TANGO6: variants seen among roughly 807,000 people sequenced by gnomAD.
The protein encoded by TANGO6 is transport and Golgi organization protein 6 homolog.
In TANGO6, 90 loss-of-function variants were observed where a neutral mutation model predicts 114.2. The observed-to-expected ratio is 0.79, with a 90% CI of 0.66 to 0.94. TANGO6 has a LOEUF of 0.94. Ranked by LOEUF, TANGO6 falls within the 40% of genes least tolerant of loss-of-function variation. TANGO6 has a pLI of 0.00. For missense variants in TANGO6, 1,274 were observed against 1,315.3 expected, an observed-to-expected ratio of 0.97 and a Z score of 0.49; for synonymous variants, 477 against 509.8, an observed-to-expected ratio of 0.94 and a Z score of 0.87.
At chr16:69,073,462 T>C (rs1023259732) in intron 17 of TANGO6, among the ~76,000 whole-genome samples, 2 of 152,202 alleles carry the variant, frequency 1.3e-5, no homozygotes, top group Admixed American at 6.5e-5. Flanking sequence ...AGCTGCCACC[T>C]GGGAGGGTTC....
intron 14 of TANGO6, among the ~76,000 whole-genome samples, chr16:68,933,296 TC>T (rs1255058371): frequency 6.6e-6 from 1 of 152,078 alleles, no homozygotes; most frequent in Admixed American, 6.5e-5. Context: ...GTGCCTGTAG[TC>T]CCGGTTACTT....
chr16:69,049,803 T>G (rs1489902934), intron 17 of TANGO6, among the ~76,000 whole-genome samples: 1 of 151,850 alleles, frequency 6.6e-6, no homozygotes, highest in African/African-American at 2.4e-5. Flanking sequence ...CTTGAACTCC[T>G]GAGCTCATGT....
At chr16:68,977,899 C>T (rs573831355) in intron 15 of TANGO6, among the ~76,000 whole-genome samples, 4 of 151,892 alleles carry the variant, frequency 2.6e-5, no homozygotes, top group South Asian at 2.1e-4. Context: ...TTGGACAGGC[C>T]GGTCTCGAAC....
intron 14 of TANGO6, among the ~76,000 whole-genome samples, chr16:68,933,300 G>C (rs140785736): frequency 6.6e-6 from 1 of 152,016 alleles, no homozygotes; most frequent in Non-Finnish European, 1.5e-5. Context: ...CTGTAGTCCC[G>C]GTTACTTGGG....
At chr16:68,867,527 C>G (rs1054016077) in intron 4 of TANGO6, 1 of 255,882 alleles carries the variant, frequency 3.9e-6, no homozygotes, top group African/African-American at 2.3e-5. Flanking sequence ...AGTAAAAACC[C>G]TAAAGTAAAT....
At chr16:68,876,930 G>A (rs961687774) in intron 5 of TANGO6, among the ~76,000 whole-genome samples, 24 of 152,104 alleles carry the variant, frequency 1.6e-4, no homozygotes, top group African/African-American at 5.6e-4. Flanking sequence ...TAACCAGCCT[G>A]TTATTGATGC....
At chr16:68,854,117 GAT>G (rs377485605) in intron 1 of TANGO6, among the ~76,000 whole-genome samples, 68 of 152,120 alleles carry the variant, frequency 4.5e-4, no homozygotes, top group African/African-American at 1.5e-3. Context: ...TTTAAATTTT[GAT>G]GAAGTCCAGT....
At chr16:68,943,586 C>T (rs1279558794) in intron 14 of TANGO6, among the ~76,000 whole-genome samples, 2 of 151,932 alleles carry the variant, frequency 1.3e-5, no homozygotes, top group Non-Finnish European at 2.9e-5. Flanking sequence ...AGGATGGTCT[C>T]AATCTCCTTA....
chr16:68,964,123 TTTTA>T (rs1256176404), intron 14 of TANGO6, among the ~76,000 whole-genome samples: 1 of 152,074 alleles, frequency 6.6e-6, no homozygotes, highest in Non-Finnish European at 1.5e-5. Flanking sequence ...TTTTAAAACA[TTTTA>T]TTTATTTATA....
rs1381936081 is a variant in TANGO6, at chr16:69,015,957, CTCT to C, written c.2843-6865_2843-6863del. ...GAATATAAAGCTTCTATTGCCCACTCTCTTCTTCACTTTTCCACCAGGCCCTCA... is the reference window on the plus strand; with the variant it reads ...GAATATAAAGCTTCTATTGCCCACTCTCTTCACTTTTCCACCAGGCCCTCA... On this transcript the variant is annotated intron_variant, in intron 15 of 17. Transcript: ENST00000261778. 6.6e-5 allele frequency among the ~76,000 whole-genome samples: 10 copies of C among 152,282 alleles called. No homozygotes were observed. The East Asian group carries it at 1.7e-3, about 27-fold the overall frequency.
intron 14 of TANGO6, among the ~76,000 whole-genome samples, chr16:68,948,944 T>C (rs1483143382): frequency 1.3e-5 from 2 of 152,210 alleles, no homozygotes; most frequent in Non-Finnish European, 2.9e-5. Context: ...CCCAGCACTT[T>C]GGGAGGCCAA....
intron 7 of TANGO6, among the ~76,000 whole-genome samples, chr16:68,896,455 GA>G (rs1962706065): frequency 1.3e-5 from 2 of 152,080 alleles, no homozygotes; most frequent in South Asian, 4.1e-4. Context: ...TGGAAGTACA[GA>G]CATGCACCAC....
intron 14 of TANGO6, chr16:68,937,263 A>G (rs1385253807): frequency 6.6e-6 from 1 of 152,226 alleles, no homozygotes; most frequent in Non-Finnish European, 1.5e-5. Context: ...TTTCTTTTAC[A>G]TCCTGACCTG....
At chr16:68,933,058 A>G (rs1185008206) in intron 14 of TANGO6, among the ~76,000 whole-genome samples, 1 of 152,178 alleles carries the variant, frequency 6.6e-6, no homozygotes, top group East Asian at 1.9e-4. Flanking sequence ...ATGACTAGGT[A>G]ATAATGTGGT....
intron 11 of TANGO6, among the ~76,000 whole-genome samples, chr16:68,912,907 C>A (rs1567538267): frequency 7.0e-6 from 1 of 143,500 alleles, no homozygotes; most frequent in Non-Finnish European, 1.5e-5. Flanking sequence ...AAGACCCCAT[C>A]TCTCAAAAAA....
intron 9 of TANGO6, among the ~76,000 whole-genome samples, chr16:68,902,770 C>T (rs2152182491): frequency 6.6e-6 from 1 of 152,318 alleles, no homozygotes; most frequent in Middle Eastern, 3.4e-3. Context: ...ACCATCTTTG[C>T]CAGTTAATCA....
At chr16:68,960,154 C>T (rs533867371) in intron 14 of TANGO6, among the ~76,000 whole-genome samples, 37 of 152,216 alleles carry the variant, frequency 2.4e-4, no homozygotes, top group African/African-American at 8.9e-4. Flanking sequence ...AAATGAATGA[C>T]GCCTGGCTTC....
chr16:68,953,970 T>A (rs1020047982), intron 14 of TANGO6, among the ~76,000 whole-genome samples: 4 of 152,092 alleles, frequency 2.6e-5, no homozygotes, highest in Non-Finnish European at 4.4e-5. Flanking sequence ...CCAGGCACAG[T>A]GGCTCATGCC....
chr16:69,080,234 GA>G (rs1434358094), intron 17 of TANGO6, among the ~76,000 whole-genome samples: 5 of 127,546 alleles, frequency 3.9e-5, no homozygotes, highest in South Asian at 2.2e-4. Context: ...TTAAGTGGGG[GA>G]AAAAATATGG....
Sources: allele counts gnomAD v4.1 joint callset (sites outside exome capture counted in the v4.1 genomes callset), GRCh38; gene constraint gnomAD v4.1.1; transcripts MANE v1.5; gene names NCBI Gene and HGNC (gene_info 2026-07-23, HGNC 2026-07-21).